FHOD3: variants seen among roughly 807,000 people sequenced by gnomAD.
The protein encoded by FHOD3 is FH1/FH2 domain-containing protein 3.
Under a neutral mutation model 173.0 loss-of-function variants are expected in FHOD3, and 90 were observed. The ratio of observed to expected loss-of-function variants is 0.52; its 90% CI spans 0.44 to 0.62. The LOEUF (loss-of-function observed/expected upper bound fraction) is 0.62, where lower values mean the gene tolerates loss of function less well. Among genes scored for constraint, FHOD3 ranks in the 20% least tolerant of loss-of-function variants. The pLI, the probability that FHOD3 is intolerant of heterozygous loss-of-function variation, is 0.00. For missense variants in FHOD3, 1,945 were observed against 2,034.7 expected (o/e 0.96, Z 0.85); for synonymous variants, 828 against 823.0 (o/e 1.01, Z -0.10).
chr18:36,331,998 C>T (rs576873581), intron 1 of FHOD3, among the ~76,000 whole-genome samples: 86 of 152,256 alleles, frequency 5.6e-4, no homozygotes, highest in South Asian at 1.0e-3. Context: ...AAAGAGGGCA[C>T]CTTCTGGGTG....
At chr18:36,334,063 T>C (rs548261709) in intron 1 of FHOD3, among the ~76,000 whole-genome samples, 3 of 152,312 alleles carry the variant, frequency 2.0e-5, no homozygotes, top group African/African-American at 7.2e-5. Flanking sequence ...ATTCTCTCTC[T>C]GACCTCTGTT....
At chr18:36,384,778 T>A in intron 3 of FHOD3, among the ~76,000 whole-genome samples, 1 of 152,166 alleles carries the variant, frequency 6.6e-6, no homozygotes, top group East Asian at 1.9e-4. Context: ...GGAGACCTGT[T>A]TGTTATTTAT....
rs1294011196 is a variant in FHOD3 at position 36,653,367 on chromosome 18, A to G, written c.1672A>G (p.Thr558Ala). The G allele has an allele frequency of 1.3e-6, 2 of 1,535,096 alleles. No individual in the cohort carries two copies. The highest frequency in any genetic ancestry group is 2.0e-5 in the Admixed American group (1 of 50,956). Residue 558 changes from threonine (T) to alanine (A), a missense_variant, in exon 13 of 29, where the codon ACA (threonine) becomes GCA (alanine). By Grantham distance (58) the Thr-to-Ala change is moderately conservative (BLOSUM62 0). Coordinates refer to ENST00000590592, the MANE Select transcript of FHOD3 (RefSeq NM_001281740.3). Reference sequence around the variant, plus strand: ...TTCCTCTGATTCTTTCTCTTTGAGCACATATTCTGCCTCTGAGCCTTACCA... The same window carrying G: ...TTCCTCTGATTCTTTCTCTTTGAGCGCATATTCTGCCTCTGAGCCTTACCA... ...NSSSDSFSLS[T>A]YSASEPYHFR...
At chr18:36,639,447 C>T (rs547299732) in intron 10 of FHOD3, among the ~76,000 whole-genome samples, 4 of 152,036 alleles carry the variant, frequency 2.6e-5, no homozygotes, top group Non-Finnish European at 4.4e-5. Context: ...CCAAGGCGGG[C>T]GGATCACGAG....
intron 1 of FHOD3, among the ~76,000 whole-genome samples, chr18:36,309,125 G>A (rs1042928362): frequency 6.6e-6 from 1 of 152,162 alleles, no homozygotes; most frequent in African/African-American, 2.4e-5. Context: ...GTGGGTATTG[G>A]GGTCTTCTCT....
chr18:36,676,710 C>G (rs949758172), intron 14 of FHOD3, among the ~76,000 whole-genome samples: 1 of 152,154 alleles, frequency 6.6e-6, no homozygotes, highest in African/African-American at 2.4e-5. Context: ...AATCCATAAT[C>G]TGATAGGTGT....
intron 3 of FHOD3, among the ~76,000 whole-genome samples, chr18:36,467,778 T>C (rs1222215092): frequency 1.3e-5 from 2 of 152,202 alleles, no homozygotes; most frequent in Non-Finnish European, 2.9e-5. Context: ...GGGGTGGGCG[T>C]TGCCCTGCCA....
chr18:36,518,508 T>C (rs1405243055), intron 5 of FHOD3, among the ~76,000 whole-genome samples: 1 of 152,168 alleles, frequency 6.6e-6, no homozygotes, highest in Non-Finnish European at 1.5e-5. Context: ...CTCCTCTTGC[T>C]GAGTGGTACA....
chr18:36,448,135 C>T (rs1484739065), intron 3 of FHOD3, among the ~76,000 whole-genome samples: 1 of 152,144 alleles, frequency 6.6e-6, no homozygotes, highest in Non-Finnish European at 1.5e-5. Context: ...ATTTTCATTT[C>T]ACTCTAAGCT....
At chr18:36,549,607 G>C (rs866883232) in intron 5 of FHOD3, among the ~76,000 whole-genome samples, 1 of 131,026 alleles carries the variant, frequency 7.6e-6, no homozygotes, top group Non-Finnish European at 1.5e-5. Flanking sequence ...GTGTGATCTC[G>C]GCTCACTGCA....
rs763539351 is a variant in FHOD3, at chr18:36,747,093, G to T, written c.4190G>T (p.Arg1397Leu). The T allele has an allele frequency of 3.7e-6, 6 of 1,611,790 alleles. No homozygotes were observed. In the Admixed American group the frequency reaches 1.0e-4, roughly 27 times the overall value. The change falls in exon 24 of 29, where the codon CGA (arginine) becomes CTA (leucine). Residue 1397 changes from arginine (R) to leucine (L), a missense_variant. Coordinates refer to ENST00000590592, the MANE Select transcript of FHOD3 (RefSeq NM_001281740.3). ...GAGTTCCTGAAAGACTGTGCAGAGC[G>T]AATTATAATTTTAAAGATTGTCCAT... ...MSEFLKDCAE[R>L]IIILKIVHRR...
chr18:36,626,214 C>T (rs1171294712), intron 10 of FHOD3, among the ~76,000 whole-genome samples: 3 of 152,078 alleles, frequency 2.0e-5, no homozygotes, highest in Non-Finnish European at 4.4e-5. Flanking sequence ...ATAGCTGTCT[C>T]TATATATTTC....
chr18:36,764,570 G>A (rs1275411070), intron 27 of FHOD3, among the ~76,000 whole-genome samples: 1 of 152,106 alleles, frequency 6.6e-6, no homozygotes, highest in Non-Finnish European at 1.5e-5. Context: ...GCCTTCTTAG[G>A]GGGTGGATCT....
At chr18:36,353,076 C>G (rs1447381222) in intron 1 of FHOD3, among the ~76,000 whole-genome samples, 2 of 152,174 alleles carry the variant, frequency 1.3e-5, no homozygotes, top group East Asian at 3.8e-4. Context: ...GTGTGTTTCC[C>G]CAAAACCCTG....
At chr18:36,504,825 T>C (rs2055220768) in intron 4 of FHOD3, among the ~76,000 whole-genome samples, 1 of 152,238 alleles carries the variant, frequency 6.6e-6, no homozygotes, top group African/African-American at 2.4e-5. Context: ...TGAGCATCCC[T>C]AATTTGAAAA....
chr18:36,510,997 A>G (rs7242523), intron 4 of FHOD3, among the ~76,000 whole-genome samples: 57,932 of 152,024 alleles, frequency 0.38, 12,086 homozygotes, highest in Non-Finnish European at 0.48. Flanking sequence ...TGCCATAAAA[A>G]TCAAAATAAG....
At chr18:36,712,054 A>C (rs1829120035) in intron 18 of FHOD3, among the ~76,000 whole-genome samples, 1 of 152,228 alleles carries the variant, frequency 6.6e-6, no homozygotes, top group Admixed American at 6.5e-5. Flanking sequence ...AGTGTGAGTC[A>C]GCGCTCTTGC....
At chr18:36,504,966 C>T (rs1428984129) in intron 4 of FHOD3, among the ~76,000 whole-genome samples, 1 of 152,044 alleles carries the variant, frequency 6.6e-6, no homozygotes, top group Non-Finnish European at 1.5e-5. Context: ...TTAGCATTCC[C>T]AAGGAAAAAA....
At position 36,311,929 on chromosome 18, in the gene FHOD3, G is replaced by T. The variant is rs142229662; in HGVS notation, c.165+13929G>T. Among the ~76,000 whole-genome samples the T allele has an allele frequency of 2.4e-3, 360 of 152,210 alleles. 6 individuals are homozygous for T. Among genetic ancestry groups the T allele is most frequent in the Admixed American group, 0.016 (247 of 15,300 alleles). ...AGATCCTCCCATTAGCATTTAGGTG[G>T]GCTAAAGCCTCTTTTGTCCAGAAAG... On this transcript the variant is annotated intron_variant, in intron 1 of 28. Coordinates refer to ENST00000590592, the MANE Select transcript of FHOD3 (RefSeq NM_001281740.3).
Sources: gnomAD v4.1 joint callset for allele counts (sites outside exome capture counted in the v4.1 genomes callset) on GRCh38, gnomAD v4.1.1 for gene constraint, MANE v1.5 for transcripts, NCBI Gene and HGNC (gene_info 2026-07-23, HGNC 2026-07-21) for gene names.